The following SLC25A37 variants were observed in gnomAD, a reference collection of about 807,000 sequenced individuals.
SLC25A37 encodes the protein mitoferrin-1.
Under a neutral mutation model 31.0 loss-of-function variants are expected in SLC25A37, and 17 were observed. The observed-to-expected ratio is 0.55, with a 90% confidence interval of 0.38 to 0.82. The LOEUF (loss-of-function observed/expected upper bound fraction) is 0.82, where lower values mean the gene tolerates loss of function less well. Ranked by LOEUF, SLC25A37 falls within the 40% of genes least tolerant of loss-of-function variation. SLC25A37 has a pLI of 0.00. For synonymous variants in SLC25A37, 222 were observed against 193.0 expected (o/e 1.15, Z -1.24); for missense variants, 404 against 465.8 (o/e 0.87, Z 1.22).
intron 1 of SLC25A37, among the ~76,000 whole-genome samples, chr8:23,548,166 A>G (rs181316306): frequency 2.6e-4 from 39 of 151,606 alleles, no homozygotes; most frequent in African/African-American, 8.5e-4. Context: ...TATTCACTTC[A>G]TTTCTTCTCT....
chr8:23,548,421 A>T (rs1802127262), intron 1 of SLC25A37, among the ~76,000 whole-genome samples: 2 of 142,788 alleles, frequency 1.4e-5, no homozygotes, highest in African/African-American at 5.4e-5. Context: ...CTTGTGATCC[A>T]CCCGCCTTGG....
At chr8:23,539,079 ACAGT>A (rs1801836533) in intron 1 of SLC25A37, among the ~76,000 whole-genome samples, 2 of 152,124 alleles carry the variant, frequency 1.3e-5, no homozygotes, top group African/African-American at 2.4e-5. Flanking sequence ...GTAACCCCAG[ACAGT>A]CAGGAAGGGC....
At chr8:23,549,510 G>A (rs1267726094) in intron 1 of SLC25A37, among the ~76,000 whole-genome samples, 5 of 152,182 alleles carry the variant, frequency 3.3e-5, no homozygotes, top group African/African-American at 1.2e-4. Flanking sequence ...AGTGGGTCCC[G>A]GAGGCTGAAA....
intron 1 of SLC25A37, among the ~76,000 whole-genome samples, chr8:23,535,056 T>C (rs904569481): frequency 1.3e-5 from 2 of 152,100 alleles, no homozygotes; most frequent in Non-Finnish European, 2.9e-5. Flanking sequence ...TTGACCTAAC[T>C]CAGAATCTTC....
At position 23,572,642 on chromosome 8, in the gene SLC25A37, A is replaced by G. The variant is rs1802894479; in HGVS notation, c.*787A>G. 1 of 152,230 alleles carries G rather than the reference A, an allele frequency of 6.6e-6. No homozygotes were observed. Among genetic ancestry groups the G allele is most frequent in the African/African-American group, 2.4e-5 (1 of 41,402 alleles). 9.4% of individuals were successfully genotyped at this position (152,230 alleles called of 1,614,324 possible). On this transcript the variant is annotated 3_prime_UTR_variant, in exon 4 of 4. Transcript: ENST00000519973. ...TACCTTTTTTTTTCTTTTAAATTCAATCAGCCACCTTCATGTGCCTTTTTC... is the reference window on the plus strand; with the variant it reads ...TACCTTTTTTTTTCTTTTAAATTCAGTCAGCCACCTTCATGTGCCTTTTTC...
At chr8:23,554,323 C>G (rs1222704946) in intron 1 of SLC25A37, among the ~76,000 whole-genome samples, 1 of 152,222 alleles carries the variant, frequency 6.6e-6, no homozygotes, top group African/African-American at 2.4e-5. Context: ...TGAGAAAGAA[C>G]TGTGACTCAG....
chr8:23,543,691 C>T (rs992054790), intron 1 of SLC25A37, among the ~76,000 whole-genome samples: 21 of 152,192 alleles, frequency 1.4e-4, no homozygotes, highest in African/African-American at 3.4e-4. Flanking sequence ...CCTGCCACCA[C>T]GCCCAGCTAA....
intron 1 of SLC25A37, among the ~76,000 whole-genome samples, chr8:23,532,827 G>T (rs1405160831): frequency 6.6e-6 from 1 of 152,206 alleles, no homozygotes; most frequent in Non-Finnish European, 1.5e-5. Flanking sequence ...GTTTTCTCCT[G>T]GCTGCAGGCA....
At chr8:23,546,531 G>GTATATA (rs1251864600) in intron 1 of SLC25A37, among the ~76,000 whole-genome samples, 428 of 36,374 alleles carry the variant, frequency 0.012, 9 homozygotes, top group African/African-American at 0.044. Context: ...ATATATAGGT[G>GTATATA]TATATATATA....
chr8:23,548,116 A>T (rs1802117293), intron 1 of SLC25A37, among the ~76,000 whole-genome samples: 3 of 152,106 alleles, frequency 2.0e-5, no homozygotes. Flanking sequence ...GGTGTTTTGC[A>T]TTTCCTGTAG....
chr8:23,571,528 G>T lies in SLC25A37; in HGVS notation c.690G>T (p.Arg230=), dbSNP rs772185710. The T allele has an allele frequency of 2.5e-6, 4 of 1,613,918 alleles. No individual in the cohort carries two copies. Among genetic ancestry groups the T allele is most frequent in the Non-Finnish European group, 3.4e-6 (4 of 1,179,850 alleles). Reference sequence around the variant, plus strand: ...TGCAGGAGCAGGTCAACCCCCACCGGACCTACAACCCGCAGTCCCACATCA... The same window carrying T: ...TGCAGGAGCAGGTCAACCCCCACCGTACCTACAACCCGCAGTCCCACATCA... ...EFLQEQVNPH[R]TYNPQSHIIS... The change falls in exon 4 of 4, where the codon CGG becomes CGT. Residue 230 remains arginine (R), a synonymous_variant. Coordinates refer to ENST00000519973, the MANE Select transcript of SLC25A37 (RefSeq NM_016612.4).
At chr8:23,530,044 G>T (rs1801633272) in intron 1 of SLC25A37, among the ~76,000 whole-genome samples, 2 of 152,144 alleles carry the variant, frequency 1.3e-5, no homozygotes, top group African/African-American at 2.4e-5. Flanking sequence ...GTTTTGCCTG[G>T]TAGACTGAGA....
At chr8:23,532,081 C>T (rs1376946680) in intron 1 of SLC25A37, among the ~76,000 whole-genome samples, 3 of 152,096 alleles carry the variant, frequency 2.0e-5, no homozygotes, top group Non-Finnish European at 1.5e-5. Context: ...AATATGAAAA[C>T]CACTGAACCT....
In SLC25A37 at chr8:23,546,602, A is replaced by ATG. The variant is rs60598421; in HGVS notation, c.210+17408_210+17409dup. Among the ~76,000 whole-genome samples the ATG allele has an allele frequency of 4.7e-3, 272 of 58,004 alleles. 8 individuals are homozygous for ATG. The Middle Eastern group carries it at 0.049, about 10-fold the overall frequency. 38.1% of individuals were successfully genotyped at this position (58,004 alleles called of 152,430 possible). A position where few individuals can be genotyped will look rare whatever the true frequency, so the allele number is the denominator to read the frequency against. ...TATATAGTGTATATATATATAGTGT[A>ATG]TGTGTGTGTGTGTGTGTGTATATAT... On this transcript the variant is annotated intron_variant, in intron 1 of 3. Coordinates refer to ENST00000519973, the MANE Select transcript of SLC25A37 (RefSeq NM_016612.4).
chr8:23,566,428 A>T, intron 2 of SLC25A37, 92 bp downstream of exon 2: 1 of 1,502,744 alleles, frequency 6.7e-7, no homozygotes, highest in Non-Finnish European at 8.8e-7. Context: ...AGCCGCCTCG[A>T]CTTCGGCCCG....
intron 1 of SLC25A37, among the ~76,000 whole-genome samples, chr8:23,564,907 C>A (rs1469065193): frequency 6.6e-6 from 1 of 152,124 alleles, no homozygotes; most frequent in African/African-American, 2.4e-5. Context: ...AATCTACCTA[C>A]CTACCTACCT....
At chr8:23,553,674 C>G (rs1231253711) in intron 1 of SLC25A37, among the ~76,000 whole-genome samples, 1 of 152,178 alleles carries the variant, frequency 6.6e-6, no homozygotes, top group Non-Finnish European at 1.5e-5. Flanking sequence ...TCAAGATGCC[C>G]CTCTGTGACC....
In SLC25A37 at chr8:23,574,885, T is replaced by C. The variant is rs1585211422; in HGVS notation, c.*3030T>C. 1 of 153,254 alleles carries C rather than the reference T, an allele frequency of 6.5e-6. No individual in the cohort carries two copies. Among genetic ancestry groups the C allele is most frequent in the East Asian group, 1.9e-4 (1 of 5,182 alleles). The allele number at this position is 153,254 out of a possible 1,614,324, so 9.5% of individuals were successfully genotyped here. A position where few individuals can be genotyped will look rare whatever the true frequency, so the allele number is the denominator to read the frequency against. On this transcript the variant is annotated 3_prime_UTR_variant, in exon 4 of 4. Coordinates refer to ENST00000519973, the MANE Select transcript of SLC25A37 (RefSeq NM_016612.4). ...AGTTAGTGCCACCTGAGTACAGCAC[T>C]CGTACTTTTACATGATGTGTGTGTG...
intron 1 of SLC25A37, among the ~76,000 whole-genome samples, chr8:23,546,138 G>GA (rs571510204): frequency 0.37 from 52,803 of 141,376 alleles, 10,904 homozygotes; most frequent in East Asian, 0.61. Flanking sequence ...TCTGTCTCAA[G>GA]AAAAAAAAAA....
Sources: gnomAD v4.1 joint callset for allele counts (sites outside exome capture counted in the v4.1 genomes callset) on GRCh38, gnomAD v4.1.1 for gene constraint, MANE v1.5 for transcripts, NCBI Gene and HGNC (gene_info 2026-07-23, HGNC 2026-07-21) for gene names.